SPATS2L: variants seen among roughly 807,000 people sequenced by gnomAD.
The protein encoded by SPATS2L is SPATS2-like protein.
Under a neutral mutation model 59.6 loss-of-function variants are expected in SPATS2L, and 30 were observed. The ratio of observed to expected loss-of-function variants is 0.50; its 90% CI spans 0.38 to 0.68. The LOEUF is 0.68. Among genes scored for constraint, SPATS2L ranks in the 30% least tolerant of loss-of-function variants. The pLI is 0.00. For missense variants in SPATS2L, 615 were observed against 700.0 expected (o/e 0.88, Z 1.37); for synonymous variants, 252 against 263.5 (o/e 0.96, Z 0.42).
intron 9 of SPATS2L, among the ~76,000 whole-genome samples, chr2:200,462,940 C>T (rs1473856498): frequency 1.3e-5 from 2 of 150,676 alleles, no homozygotes; most frequent in Non-Finnish European, 3.0e-5. Context: ...ATAATAATAA[C>T]AATAATAATA....
chr2:200,334,746 C>G (rs2080081878), intron 2 of SPATS2L, among the ~76,000 whole-genome samples: 1 of 151,976 alleles, frequency 6.6e-6, no homozygotes, highest in African/African-American at 2.4e-5. Flanking sequence ...GCCAGTTTTC[C>G]CAGCACCATT....
chr2:200,415,751 T>C (rs2083032811), intron 4 of SPATS2L, among the ~76,000 whole-genome samples: 1 of 152,188 alleles, frequency 6.6e-6, no homozygotes, highest in Non-Finnish European at 1.5e-5. Context: ...GTTCTACCGA[T>C]ATATGTGAAT....
At chr2:200,406,925 G>A (rs2082706588) in intron 3 of SPATS2L, among the ~76,000 whole-genome samples, 1 of 152,186 alleles carries the variant, frequency 6.6e-6, no homozygotes, top group South Asian at 2.1e-4. Flanking sequence ...GAAGGGAAAA[G>A]TGGGGACAGA....
chr2:200,372,982 C>CTGAA (rs1180717608), intron 2 of SPATS2L, among the ~76,000 whole-genome samples: 1 of 152,138 alleles, frequency 6.6e-6, no homozygotes, highest in Non-Finnish European at 1.5e-5. Flanking sequence ...AAAATGAATA[C>CTGAA]TGAATGAATG....
chr2:200,329,066 T>C (rs575818383), intron 1 of SPATS2L, among the ~76,000 whole-genome samples: 2 of 152,302 alleles, frequency 1.3e-5, no homozygotes, highest in East Asian at 1.9e-4. Context: ...AGTTAGCCTA[T>C]GTGAAGCCCT....
rs558616692 is a variant in SPATS2L, at chr2:200,366,540, TAAG to T, written c.-22-22680_-22-22678del. 1.2e-4 allele frequency among the ~76,000 whole-genome samples: 18 copies of T among 152,228 alleles called. No individual in the cohort carries two copies. In the South Asian group the frequency reaches 2.5e-3, roughly 21 times the overall value. Reference sequence around the variant, plus strand: ...ATCGTATAAAAACAGCAGTATCAAATAAGAAAAAAGTCTGCAAATATTGATGAT... The same window carrying T: ...ATCGTATAAAAACAGCAGTATCAAATAAAAAAGTCTGCAAATATTGATGAT... On this transcript the variant is annotated intron_variant, in intron 2 of 12. Transcript: ENST00000409140.
chr2:200,402,883 A>G (rs1177837412), intron 3 of SPATS2L, among the ~76,000 whole-genome samples: 1 of 152,240 alleles, frequency 6.6e-6, no homozygotes, highest in Non-Finnish European at 1.5e-5. Flanking sequence ...AAAATGATAC[A>G]AAATTGGAAG....
rs1341172245 is a variant in SPATS2L, at chr2:200,384,079, T to C, written c.-22-5144T>C. On this transcript the variant is annotated intron_variant, in intron 2 of 12. Coordinates refer to ENST00000409140, the MANE Select transcript of SPATS2L (RefSeq NM_001100423.2). The stretch of plus-strand genomic sequence containing the variant: ...ATTGCATTAGAAACATAAATATATA[T>C]TTTTAAAACTTTACAGATAACTCAT... The C allele has an allele frequency of 6.0e-6, 5 of 838,738 alleles. No homozygotes were observed. The South Asian group carries it at 1.7e-4, about 28-fold the overall frequency. 52.0% of individuals were successfully genotyped at this position (838,738 alleles called of 1,614,324 possible).
In SPATS2L at chr2:200,421,865, C is replaced by A. The variant is rs368150860; in HGVS notation, c.445+2369C>A. 5.2e-4 allele frequency among the ~76,000 whole-genome samples: 79 copies of A among 152,320 alleles called. 1 individual carries two copies. The highest frequency in any genetic ancestry group is 1.8e-3 in the African/African-American group (76 of 41,566). ...GAATTACTTTCAAAATCCAATTACTCAAGTTGCCATTTTGATATCAATCAT... is the reference window on the plus strand; with the variant it reads ...GAATTACTTTCAAAATCCAATTACTAAAGTTGCCATTTTGATATCAATCAT... On this transcript the variant is annotated intron_variant, in intron 6 of 12. Coordinates refer to ENST00000409140, the MANE Select transcript of SPATS2L (RefSeq NM_001100423.2).
chr2:200,414,444 A>AT (rs1396745332), intron 4 of SPATS2L, among the ~76,000 whole-genome samples: 1 of 152,144 alleles, frequency 6.6e-6, no homozygotes, highest in Non-Finnish European at 1.5e-5. Context: ...CCTGGACAAC[A>AT]TGGCGAGACA....
intron 1 of SPATS2L, among the ~76,000 whole-genome samples, chr2:200,322,394 A>G (rs2079592333): frequency 6.6e-6 from 1 of 152,226 alleles, no homozygotes; most frequent in African/African-American, 2.4e-5. Flanking sequence ...AAGGAATTGT[A>G]TGTTTCATTA....
Position 200,473,102 on chromosome 2 carries a change from G to A in SPATS2L, c.1281+50G>A, listed in dbSNP as rs1469190087. Reference sequence around the variant, plus strand: ...CCAGAGGAAAAAAAAAAAAAAACCTGTTTCCAGAGGAAGAAAACAGCAACT... The same window carrying A: ...CCAGAGGAAAAAAAAAAAAAAACCTATTTCCAGAGGAAGAAAACAGCAACT... On this transcript the variant is annotated intron_variant, in intron 12 of 12. Coordinates refer to ENST00000409140, the MANE Select transcript of SPATS2L (RefSeq NM_001100423.2). 2.2e-6 allele frequency: 3 copies of A among 1,376,838 alleles called. No individual in the cohort carries two copies. The East Asian group carries it at 7.4e-5, about 34-fold the overall frequency. 85.3% of individuals were successfully genotyped at this position (1,376,838 alleles called of 1,614,324 possible).
intron 1 of SPATS2L, among the ~76,000 whole-genome samples, chr2:200,318,907 A>G (rs2079466997): frequency 1.3e-5 from 2 of 152,188 alleles, no homozygotes; most frequent in African/African-American, 4.8e-5. Context: ...AATGCTAATG[A>G]CAGTAGTCTG....
chr2:200,426,082 CTTTTTTTT>C lies in SPATS2L; in HGVS notation c.445+6605_445+6612del, dbSNP rs769997762. ...ATAGAATTATAACCATAGGTTTTTA[CTTTTTTTT>C]TTTTTTTTTTTTTTTTTTGAGATGG... On this transcript the variant is annotated intron_variant, in intron 6 of 12. Coordinates refer to ENST00000409140, the MANE Select transcript of SPATS2L (RefSeq NM_001100423.2). 5.8e-4 allele frequency among the ~76,000 whole-genome samples: 36 copies of C among 62,328 alleles called. 1 individual carries two copies. Among genetic ancestry groups the C allele is most frequent in the Middle Eastern group, 0.017 (1 of 58 alleles). 40.9% of individuals were successfully genotyped at this position (62,328 alleles called of 152,430 possible). A position where few individuals can be genotyped will look rare whatever the true frequency, so the allele number is the denominator to read the frequency against.
chr2:200,406,647 C>T (rs1417805077), intron 3 of SPATS2L, among the ~76,000 whole-genome samples: 7 of 152,146 alleles, frequency 4.6e-5, no homozygotes, highest in Non-Finnish European at 8.8e-5. Context: ...CACTGTAATT[C>T]ATTGTCACTG....
intron 8 of SPATS2L, among the ~76,000 whole-genome samples, chr2:200,450,022 A>C (rs577386554): frequency 6.6e-6 from 1 of 152,356 alleles, no homozygotes; most frequent in South Asian, 2.1e-4. Context: ...GCATTTTCCA[A>C]GGTTTATTAA....
intron 6 of SPATS2L, among the ~76,000 whole-genome samples, chr2:200,424,768 G>A (rs1206258386): frequency 6.6e-6 from 1 of 152,140 alleles, no homozygotes; most frequent in Admixed American, 6.5e-5. Context: ...CAGGACTGTG[G>A]GCCATCAGCA....
chr2:200,443,717 T>A (rs985556583), intron 8 of SPATS2L, among the ~76,000 whole-genome samples: 1 of 152,200 alleles, frequency 6.6e-6, no homozygotes, highest in Admixed American at 6.5e-5. Context: ...CATAAGGACC[T>A]GAGTCCTGCT....
intron 1 of SPATS2L, among the ~76,000 whole-genome samples, chr2:200,318,496 T>A (rs576046657): frequency 5.4e-4 from 82 of 152,328 alleles, no homozygotes; most frequent in African/African-American, 1.7e-3. Flanking sequence ...TAGCACTGAA[T>A]ATATGAACTC....
Sources: gnomAD v4.1 joint callset for allele counts (sites outside exome capture counted in the v4.1 genomes callset) on GRCh38, gnomAD v4.1.1 for gene constraint, MANE v1.5 for transcripts, NCBI Gene and HGNC (gene_info 2026-07-23, HGNC 2026-07-21) for gene names.